The following ZNF292 variants were observed in gnomAD, a reference collection of about 807,000 sequenced individuals.
ZNF292 encodes the protein zinc finger protein 292.
Under a neutral mutation model 217.9 loss-of-function variants are expected in ZNF292, and 26 were observed. That is an observed-to-expected ratio of 0.12 (90% CI 0.09 to 0.17). The LOEUF (loss-of-function observed/expected upper bound fraction) is 0.17. Ranked by LOEUF, ZNF292 falls within the 10% of genes least tolerant of loss-of-function variation. The probability of loss-of-function intolerance (pLI) is 1.00; values close to 1 mark genes in which losing one functional copy is unlikely to be tolerated. For missense variants in ZNF292, 2,904 were observed against 3,175.2 expected (o/e 0.91, Z 2.05); for synonymous variants, 1,257 against 1,124.1 (o/e 1.12, Z -2.37).
intron 1 of ZNF292, among the ~76,000 whole-genome samples, chr6:87,159,555 T>G (rs1458335783): frequency 1.3e-5 from 2 of 150,232 alleles, no homozygotes; most frequent in Non-Finnish European, 3.0e-5. Context: ...CAGGCTGGTG[T>G]GCAATGGCGC....
intron 5 of ZNF292, among the ~76,000 whole-genome samples, chr6:87,240,226 C>T (rs1184248051): frequency 6.6e-6 from 1 of 152,164 alleles, no homozygotes; most frequent in Non-Finnish European, 1.5e-5. Context: ...GCGGCATGCG[C>T]CTGCAATCTC....
At chr6:87,194,114 A>G (rs1390030577) in intron 1 of ZNF292, among the ~76,000 whole-genome samples, 2 of 152,210 alleles carry the variant, frequency 1.3e-5, no homozygotes, top group African/African-American at 2.4e-5. Flanking sequence ...AAACTTTTTC[A>G]TGTCGTATGT....
chr6:87,212,007 G>T (rs1258149726), intron 1 of ZNF292, among the ~76,000 whole-genome samples: 1 of 152,142 alleles, frequency 6.6e-6, no homozygotes, highest in African/African-American at 2.4e-5. Context: ...TTGGTCAGAT[G>T]CCAGTCGCAA....
At position 87,258,312 on chromosome 6, in the gene ZNF292, T is replaced by C; in HGVS notation, c.4683T>C (p.Ile1561=). The change falls in exon 8 of 8, where the codon ATT becomes ATC. Residue 1561 remains isoleucine, a synonymous_variant. Transcript: ENST00000369577. ...NRTSNSKTSS[I]EECSSLPVFP... ...CGTCAAACTCCAAAACTTCCTCCAT[T>C]GAGGAATGTAGCAGCTTGCCTGTTT... is the stretch of plus-strand genomic sequence containing the variant. The C allele has an allele frequency of 6.2e-7, 1 of 1,613,552 alleles. No homozygotes were observed. Among genetic ancestry groups the C allele is most frequent in the Non-Finnish European group, 8.5e-7 (1 of 1,179,740 alleles).
At chr6:87,176,148 C>T (rs1006008878) in intron 1 of ZNF292, among the ~76,000 whole-genome samples, 1 of 152,120 alleles carries the variant, frequency 6.6e-6, no homozygotes, top group Non-Finnish European at 1.5e-5. Flanking sequence ...GCTGAGTCAC[C>T]TTTAACAGAC....
rs1451974078 is a variant in ZNF292, at chr6:87,245,775, CT to C, written c.1020+133del. The C allele has an allele frequency of 8.6e-6, 5 of 579,874 alleles. No individual in the cohort carries two copies. In the African/African-American group the frequency reaches 9.6e-5, roughly 11 times the overall value. The allele number at this position is 579,874 out of a possible 1,614,324, so 35.9% of individuals were successfully genotyped here. On this transcript the variant is annotated intron_variant, in intron 7 of 7. Coordinates refer to ENST00000369577, the MANE Select transcript of ZNF292 (RefSeq NM_015021.3). ...TTTCAGTTAGTCCTTTGAACATTTT[CT>C]TGTTAGTCCTTTAAGATATTTGATA...
intron 6 of ZNF292, among the ~76,000 whole-genome samples, chr6:87,245,176 G>A: frequency 6.6e-6 from 1 of 151,972 alleles, no homozygotes; most frequent in Non-Finnish European, 1.5e-5. Flanking sequence ...GGGAGGCAAG[G>A]TTGCAGTGAG....
At chr6:87,204,891 A>ATGTCTGAGATTGGCC (rs1408248496) in intron 1 of ZNF292, among the ~76,000 whole-genome samples, 1 of 151,956 alleles carries the variant, frequency 6.6e-6, no homozygotes, top group Non-Finnish European at 1.5e-5. Flanking sequence ...ATCGCTGTGT[A>ATGTCTGAGATTGGCC]TGTCTGAGAT....
At chr6:87,182,053 C>T (rs1029646790) in intron 1 of ZNF292, among the ~76,000 whole-genome samples, 3 of 152,108 alleles carry the variant, frequency 2.0e-5, no homozygotes, top group Admixed American at 6.6e-5. Flanking sequence ...TGCTTGAAAA[C>T]TGAAGATTAG....
At chr6:87,194,377 A>C (rs772900158) in intron 1 of ZNF292, among the ~76,000 whole-genome samples, 8 of 152,174 alleles carry the variant, frequency 5.3e-5, no homozygotes, top group Non-Finnish European at 7.3e-5. Context: ...AAAAAGTTCA[A>C]ATTAATGAAG....
At position 87,254,892 on chromosome 6, in the gene ZNF292, T is replaced by C; in HGVS notation, c.1263T>C (p.Asn421=). The C allele has an allele frequency of 6.2e-7, 1 of 1,613,796 alleles. No individual in the cohort carries two copies. The highest frequency in any genetic ancestry group is 1.3e-5 in the African/African-American group (1 of 75,060). ...NQPDQKYDEE[N]LPIPNSLRCE... is the part of the protein sequence containing the mutation. ...CAGACCAGAAATATGATGAAGAGAA[T>C]CTTCCAATACCAAATTCTTTACGCT... The change falls in exon 8 of 8, where the codon AAT becomes AAC. Residue 421 remains asparagine, a synonymous_variant. Coordinates refer to ENST00000369577, the MANE Select transcript of ZNF292 (RefSeq NM_015021.3).
chr6:87,249,664 C>A (rs1774800684), intron 7 of ZNF292, among the ~76,000 whole-genome samples: 1 of 152,066 alleles, frequency 6.6e-6, no homozygotes, highest in Non-Finnish European at 1.5e-5. Flanking sequence ...CTTCATTTTC[C>A]ATATAGAGAG....
Position 87,215,573 on chromosome 6 carries a change from G to C in ZNF292, c.169-330G>C, listed in dbSNP as rs1243055616. 2.0e-5 allele frequency among the ~76,000 whole-genome samples: 3 copies of C among 152,072 alleles called. No individual in the cohort carries two copies. The East Asian group carries it at 5.8e-4, about 29-fold the overall frequency. ...TTTCAAATTCTTCACTGCATGCCTG[G>C]TCAACTGTTACTTGCTCAGATGTCT... On this transcript the variant is annotated intron_variant, in intron 1 of 7. Coordinates refer to ENST00000369577, the MANE Select transcript of ZNF292 (RefSeq NM_015021.3).
chr6:87,187,016 T>C (rs896442076), intron 1 of ZNF292, among the ~76,000 whole-genome samples: 6 of 152,186 alleles, frequency 3.9e-5, no homozygotes, highest in African/African-American at 1.4e-4. Context: ...AGGACTATAG[T>C]TGTATATCAT....
At chr6:87,171,800 A>T (rs954902826) in intron 1 of ZNF292, among the ~76,000 whole-genome samples, 5 of 152,122 alleles carry the variant, frequency 3.3e-5, no homozygotes, top group African/African-American at 1.2e-4. Context: ...ACTGGTTTGC[A>T]CCCTTTCATT....
chr6:87,162,030 T>G (rs1269634438), intron 1 of ZNF292, among the ~76,000 whole-genome samples: 1 of 152,240 alleles, frequency 6.6e-6, no homozygotes, highest in African/African-American at 2.4e-5. Flanking sequence ...GTAATTCTAG[T>G]CTATGGCTGG....
Position 87,264,797 on chromosome 6 carries a change from A to G in ZNF292, c.*2996A>G, listed in dbSNP as rs114851118. Among the ~76,000 whole-genome samples the G allele has an allele frequency of 3.6e-3, 551 of 152,304 alleles. 2 individuals are homozygous for G. Among genetic ancestry groups the G allele is most frequent in the African/African-American group, 0.013 (529 of 41,562 alleles). On this transcript the variant is annotated 3_prime_UTR_variant, in exon 8 of 8. Coordinates refer to ENST00000369577, the MANE Select transcript of ZNF292 (RefSeq NM_015021.3). ...GTTTTTGAAAATTGTTATTGGATGC[A>G]TGTATATTGAACAATTTAATCAGTA...
intron 4 of ZNF292, among the ~76,000 whole-genome samples, chr6:87,220,085 T>C (rs1398218210): frequency 6.6e-6 from 1 of 152,082 alleles, no homozygotes; most frequent in Non-Finnish European, 1.5e-5. Context: ...CCTCAGCCTT[T>C]CATAGTGTTA....
At chr6:87,177,513 G>GT (rs1771340707) in intron 1 of ZNF292, among the ~76,000 whole-genome samples, 1 of 152,014 alleles carries the variant, frequency 6.6e-6, no homozygotes, top group Non-Finnish European at 1.5e-5. Flanking sequence ...ACAAATATTT[G>GT]TTTTTTCATG....
Sources: gnomAD v4.1 joint callset for allele counts (sites outside exome capture counted in the v4.1 genomes callset) on GRCh38, gnomAD v4.1.1 for gene constraint, MANE v1.5 for transcripts, NCBI Gene and HGNC (gene_info 2026-07-23, HGNC 2026-07-21) for gene names.